Variants in VCAM1 observed in about 807,000 individuals in gnomAD.
VCAM1 encodes vascular cell adhesion protein 1.
In VCAM1, 41 loss-of-function variants were observed where a neutral mutation model predicts 63.8. That is an observed-to-expected ratio of 0.64 (90% CI 0.50 to 0.83). VCAM1 has a LOEUF of 0.83. VCAM1 is among the 40% of genes least tolerant of loss of function. The probability of loss-of-function intolerance (pLI) is 0.00; values close to 1 mark genes in which losing one functional copy is unlikely to be tolerated. For missense variants in VCAM1, 798 were observed against 875.5 expected (o/e 0.91, Z 1.12); for synonymous variants, 338 against 320.7 (o/e 1.05, Z -0.58).
Position 100,727,799 on chromosome 1 carries a change from G to A in VCAM1, c.929-1308G>A, listed in dbSNP as rs548211773. On this transcript the variant is annotated intron_variant, in intron 4 of 8. Coordinates refer to ENST00000294728, the MANE Select transcript of VCAM1 (RefSeq NM_001078.4). ...AGAAGCTCTGGTTGTTTTTGTGAAT[G>A]AGCTCTCTTTCAAAATCTAATAGCA... Among the ~76,000 whole-genome samples, 55 of 152,156 alleles carry A rather than the reference G, an allele frequency of 3.6e-4. No individual in the cohort carries two copies. The South Asian group carries it at 3.7e-3, about 10-fold the overall frequency.
chr1:100,736,768 G>A (rs1660663773), intron 8 of VCAM1: 1 of 152,066 alleles, frequency 6.6e-6, no homozygotes, highest in African/African-American at 2.4e-5. Context: ...ATTATGCTTA[G>A]GGTGAACTGT....
At chr1:100,737,980 G>T (rs1660716501) in intron 8 of VCAM1, 143 bp from the exon 9 acceptor site, 2 of 832,308 alleles carry the variant, frequency 2.4e-6, no homozygotes, top group Non-Finnish European at 3.8e-6. Context: ...CATGCATCTT[G>T]GGTCCTGATG....
chr1:100,730,869 A>G (rs1159993026), intron 5 of VCAM1, among the ~76,000 whole-genome samples: 1 of 152,174 alleles, frequency 6.6e-6, no homozygotes, highest in Non-Finnish European at 1.5e-5. Context: ...TGAAATATAT[A>G]CTTACTAAAT....
In VCAM1 at chr1:100,731,544, A is replaced by C. The variant is rs373319990; in HGVS notation, c.1525+26A>C. On this transcript the variant is annotated intron_variant, in intron 6 of 8. Transcript: ENST00000294728. This position sits in a 1 kb window ranked among gnomAD's most constrained non-coding sequence, Gnocchi z 4.2. ...GTAAGTACATATGTGAGGTATCTACAGTTTAATACCTGTCTCTTTATCGTG... is the reference window on the plus strand; with the variant it reads ...GTAAGTACATATGTGAGGTATCTACCGTTTAATACCTGTCTCTTTATCGTG... The C allele has an allele frequency of 6.3e-6, 10 of 1,576,616 alleles. No homozygotes were observed. The highest frequency in any genetic ancestry group is 7.8e-6 in the Non-Finnish European group (9 of 1,155,598).
At chr1:100,730,378 G>C (rs1660398747) in intron 5 of VCAM1, among the ~76,000 whole-genome samples, 4 of 152,066 alleles carry the variant, frequency 2.6e-5, no homozygotes, top group Admixed American at 2.6e-4. Context: ...ATTTGAGCAT[G>C]TATCACTTTA....
intron 4 of VCAM1, among the ~76,000 whole-genome samples, chr1:100,727,665 A>G (rs1220032536): frequency 1.3e-5 from 2 of 152,100 alleles, no homozygotes; most frequent in Non-Finnish European, 2.9e-5. Flanking sequence ...CCAAGTTCAC[A>G]TGGCAATACA....
intron 2 of VCAM1, among the ~76,000 whole-genome samples, chr1:100,722,453 C>T (rs2100823368): frequency 6.6e-6 from 1 of 152,136 alleles, no homozygotes; most frequent in East Asian, 1.9e-4. Flanking sequence ...CATTCCAAGG[C>T]TTACAGTCAT....
chr1:100,719,759 C>A lies in VCAM1; in HGVS notation c.-102C>A. The A allele has an allele frequency of 1.7e-6, 2 of 1,147,986 alleles. No individual in the cohort carries two copies. The highest frequency in any genetic ancestry group is 1.3e-6 in the Non-Finnish European group (1 of 799,730). The allele number at this position is 1,147,986 out of a possible 1,614,324, so 71.1% of individuals were successfully genotyped here. A position where few individuals can be genotyped will look rare whatever the true frequency, so the allele number is the denominator to read the frequency against. On this transcript the variant is annotated 5_prime_UTR_variant, in exon 1 of 9. Transcript: ENST00000294728. ...TTCACTCCGCGGTATCTGCATCGGG[C>A]CTCACTGGCTTCAGGAGCTGAATAC...
chr1:100,738,479 C>A lies in VCAM1; in HGVS notation c.*196C>A. Reference sequence around the variant, plus strand: ...AAACTTGCTGCCTGAAGAACAGTAACTGCCATCAAGATGAGAGAACTGGAG... The same window carrying A: ...AAACTTGCTGCCTGAAGAACAGTAAATGCCATCAAGATGAGAGAACTGGAG... On this transcript the variant is annotated 3_prime_UTR_variant, in exon 9 of 9. Coordinates refer to ENST00000294728, the MANE Select transcript of VCAM1 (RefSeq NM_001078.4). The A allele has an allele frequency of 2.0e-6, 1 of 488,250 alleles. No homozygotes were observed. 30.2% of individuals were successfully genotyped at this position (488,250 alleles called of 1,614,324 possible).
At chr1:100,722,429 A>C (rs1019089777) in intron 2 of VCAM1, among the ~76,000 whole-genome samples, 1 of 152,096 alleles carries the variant, frequency 6.6e-6, no homozygotes, top group East Asian at 1.9e-4. Flanking sequence ...GACAATAACT[A>C]TTCTTTGCAA....
Position 100,731,601 on chromosome 1 carries a change from C to T in VCAM1, c.1525+83C>T, listed in dbSNP as rs952759998. The T allele has an allele frequency of 1.6e-5, 21 of 1,285,690 alleles. No individual in the cohort carries two copies. The highest frequency in any genetic ancestry group is 2.1e-5 in the Non-Finnish European group (20 of 938,632). 79.6% of individuals were successfully genotyped at this position (1,285,690 alleles called of 1,614,324 possible). ...AGGCAATAGTTAACATAAGGTTAATCGTTAAAACCTCTGTGGAGAAAAAAC... is the reference window on the plus strand; with the variant it reads ...AGGCAATAGTTAACATAAGGTTAATTGTTAAAACCTCTGTGGAGAAAAAAC... On this transcript the variant is annotated intron_variant, in intron 6 of 8. Transcript: ENST00000294728. This position sits in a 1 kb window ranked among gnomAD's most constrained non-coding sequence, Gnocchi z 4.2.
chr1:100,727,725 G>A (rs1404983365), intron 4 of VCAM1, among the ~76,000 whole-genome samples: 2 of 152,020 alleles, frequency 1.3e-5, no homozygotes, highest in Non-Finnish European at 2.9e-5. Context: ...ACAGGCAGTC[G>A]ATCTGTTTTT....
In VCAM1 at chr1:100,731,518, G is replaced by GGTA; in HGVS notation, c.1525+1_1525+3dup. Reference sequence around the variant, plus strand: ...GAGTACGCAAACACTTTATGTCAATGGTAAGTACATATGTGAGGTATCTAC... The same window carrying GGTA: ...GAGTACGCAAACACTTTATGTCAATGGTAGTAAGTACATATGTGAGGTATCTAC... On this transcript the variant is annotated protein_altering_variant and splice_region_variant. Coordinates refer to ENST00000294728, the MANE Select transcript of VCAM1 (RefSeq NM_001078.4). This position sits in a 1 kb window ranked among gnomAD's most constrained non-coding sequence, Gnocchi z 4.2. 6.2e-7 allele frequency: 1 copy of GGTA among 1,611,344 alleles called. No individual in the cohort carries two copies. The highest frequency in any genetic ancestry group is 8.5e-7 in the Non-Finnish European group (1 of 1,178,802).
intron 4 of VCAM1, among the ~76,000 whole-genome samples, chr1:100,725,675 CTTTAG>C (rs1238266306): frequency 6.6e-6 from 1 of 152,042 alleles, no homozygotes; most frequent in African/African-American, 2.4e-5. Context: ...CTAAATAGCT[CTTTAG>C]TTGCATTTAC....
Position 100,731,589 on chromosome 1 carries a change from C to A in VCAM1, c.1525+71C>A. ...ATCGTGTTTGCCAGGCAATAGTTAA[C>A]ATAAGGTTAATCGTTAAAACCTCTG... On this transcript the variant is annotated intron_variant, in intron 6 of 8. Transcript: ENST00000294728. The surrounding 1 kb of genome is among the most constrained non-coding windows in gnomAD (Gnocchi z 4.2). 1 of 1,402,372 alleles carries A rather than the reference C, an allele frequency of 7.1e-7. No homozygotes were observed. 86.9% of individuals were successfully genotyped at this position (1,402,372 alleles called of 1,614,324 possible). A position where few individuals can be genotyped will look rare whatever the true frequency, so the allele number is the denominator to read the frequency against.
In VCAM1 at chr1:100,732,696, G is replaced by A. The variant is rs771065303; in HGVS notation, c.1792+12G>A. 6 of 1,565,934 alleles carry A rather than the reference G, an allele frequency of 3.8e-6. No homozygotes were observed. Among genetic ancestry groups the A allele is most frequent in the South Asian group, 1.2e-5 (1 of 81,744 alleles). On this transcript the variant is annotated intron_variant, in intron 7 of 8. Transcript: ENST00000294728. ...ATTAATTATCCAAGGTGAGCAGAGT[G>A]TGAGTAATGAGTTATCCTTGCTAGT... is the stretch of plus-strand genomic sequence containing the variant.
Position 100,738,544 on chromosome 1 carries a change from A to G in VCAM1, c.*261A>G, listed in dbSNP as rs1557909656. Reference sequence around the variant, plus strand: ...GTATATACAATAACATAATTTGTACATATGTAAAATAAAATTATGCCATAG... The same window carrying G: ...GTATATACAATAACATAATTTGTACGTATGTAAAATAAAATTATGCCATAG... On this transcript the variant is annotated 3_prime_UTR_variant, in exon 9 of 9. Transcript: ENST00000294728. 1 of 228,896 alleles carries G rather than the reference A, an allele frequency of 4.4e-6. No individual in the cohort carries two copies. The highest frequency in any genetic ancestry group is 8.5e-6 in the Non-Finnish European group (1 of 117,642). 14.2% of individuals were successfully genotyped at this position (228,896 alleles called of 1,614,324 possible).
chr1:100,734,429 G>T, intron 7 of VCAM1, 73 bp from the exon 8 acceptor site: 1 of 1,496,384 alleles, frequency 6.7e-7, no homozygotes. Context: ...AGCTATTGTT[G>T]ATGTCGCTAA....
chr1:100,734,641 A>C lies in VCAM1; in HGVS notation c.1932A>C (p.Thr644=), dbSNP rs1660585066. The C allele has an allele frequency of 1.2e-6, 2 of 1,613,914 alleles. No individual in the cohort carries two copies. The highest frequency in any genetic ancestry group is 8.5e-7 in the Non-Finnish European group (1 of 1,179,930). The part of the protein sequence containing the change: ...ILKKKAETGD[T]VLKSIDGAYT... ...AGAAAAAAGCGGAGACAGGAGACACAGTACTAAAATCTATAGATGGCGCCT... is the reference window on the plus strand; with the variant it reads ...AGAAAAAAGCGGAGACAGGAGACACCGTACTAAAATCTATAGATGGCGCCT... Residue 644 remains threonine, a synonymous_variant, in exon 8 of 9, where the codon ACA becomes ACC. Coordinates refer to ENST00000294728, the MANE Select transcript of VCAM1 (RefSeq NM_001078.4).
Sources: allele counts gnomAD v4.1 joint callset (sites outside exome capture counted in the v4.1 genomes callset), GRCh38; gene constraint gnomAD v4.1.1; non-coding constraint Gnocchi (gnomAD v3.1); transcripts MANE v1.5; gene names NCBI Gene and HGNC (gene_info 2026-07-23, HGNC 2026-07-21).